Variants in UTRN observed in about 807,000 individuals in gnomAD.
UTRN encodes the protein utrophin.
Under a neutral mutation model 463.9 loss-of-function variants are expected in UTRN, and 283 were observed. That is an observed-to-expected ratio of 0.61 (90% CI 0.55 to 0.67). The LOEUF is 0.67. Among genes scored for constraint, UTRN ranks in the 30% least tolerant of loss-of-function variants. UTRN has a pLI of 0.00. For missense variants in UTRN, 3,922 were observed against 4,084.3 expected (o/e 0.96, Z 1.08); for synonymous variants, 1,442 against 1,431.5 (o/e 1.01, Z -0.17).
intron 54 of UTRN, among the ~76,000 whole-genome samples, chr6:144,747,046 A>G (rs569979565): frequency 5.9e-5 from 9 of 152,234 alleles, no homozygotes; most frequent in Non-Finnish European, 1.0e-4. Flanking sequence ...CAGGCAGACC[A>G]ATTTACACTG....
At chr6:144,695,989 A>G (rs892159719) in intron 52 of UTRN, among the ~76,000 whole-genome samples, 1 of 152,196 alleles carries the variant, frequency 6.6e-6, no homozygotes, top group Non-Finnish European at 1.5e-5. Flanking sequence ...TAAAATTGTC[A>G]AATCTAATGA....
At chr6:144,511,192 A>T in intron 35 of UTRN, 69 bp downstream of exon 35, 1 of 1,348,722 alleles carries the variant, frequency 7.4e-7, no homozygotes, top group Non-Finnish European at 9.7e-7. Context: ...AATGAATACA[A>T]CTTTGATTAA....
At chr6:144,653,134 T>C (rs1778988251) in intron 51 of UTRN, among the ~76,000 whole-genome samples, 1 of 152,224 alleles carries the variant, frequency 6.6e-6, no homozygotes, top group South Asian at 2.1e-4. Flanking sequence ...CCCTTCCAGG[T>C]CGCCATTATT....
intron 51 of UTRN, among the ~76,000 whole-genome samples, chr6:144,604,227 A>G (rs1331459651): frequency 2.0e-5 from 3 of 152,200 alleles, no homozygotes; most frequent in Non-Finnish European, 2.9e-5. Flanking sequence ...GGTATGCCAT[A>G]TATGCTGTAG....
In UTRN at chr6:144,735,367, C is replaced by T. The variant is rs139125609; in HGVS notation, c.7939+4881C>T. 4.1e-4 allele frequency among the ~76,000 whole-genome samples: 62 copies of T among 152,216 alleles called. No individual in the cohort carries two copies. The East Asian group carries it at 0.011, about 27-fold the overall frequency. ...CAGAATCCTTAGCAGAACAGCTCAG[C>T]CATAAGGAAAGAGCAGCTGTATTTT... On this transcript the variant is annotated intron_variant, in intron 54 of 74. Coordinates refer to ENST00000367545, the MANE Select transcript of UTRN (RefSeq NM_007124.3).
rs1444183884 is a variant in UTRN at position 144,539,314 on chromosome 6, A to C, written c.6390A>C (p.Glu2130Asp). 13 of 1,612,190 alleles carry C rather than the reference A, an allele frequency of 8.1e-6. No individual in the cohort carries two copies. Among genetic ancestry groups the C allele is most frequent in the Non-Finnish European group, 1.0e-5 (12 of 1,179,286 alleles). The part of the protein sequence containing the change: ...QELRDLTQEM[E>D]VHAEKLKWLN... ...TCCAGGACTTAACTCAAGAAATGGAAGTACATGCTGAAAAACTCAAATGGC... is the reference window on the plus strand; with the variant it reads ...TCCAGGACTTAACTCAAGAAATGGACGTACATGCTGAAAAACTCAAATGGC... The change falls in exon 45 of 75, where the codon GAA becomes GAC. Residue 2130 changes from glutamate (E) to aspartate (D), a missense_variant. Coordinates refer to ENST00000367545, the MANE Select transcript of UTRN (RefSeq NM_007124.3).
At chr6:144,354,877 C>T (rs1026511774) in intron 2 of UTRN, among the ~76,000 whole-genome samples, 4 of 152,068 alleles carry the variant, frequency 2.6e-5, no homozygotes, top group African/African-American at 7.2e-5. Context: ...TATCTCTGCA[C>T]GGTGTTGAAA....
chr6:144,401,672 A>ATT (rs142001265), intron 2 of UTRN, among the ~76,000 whole-genome samples: 7 of 145,334 alleles, frequency 4.8e-5, no homozygotes, highest in African/African-American at 1.3e-4. Flanking sequence ...GTAAAAGTGC[A>ATT]TTTTTTTTTT....
At chr6:144,359,320 CACTCCCAGCTGAGA>C (rs1166757624) in intron 2 of UTRN, among the ~76,000 whole-genome samples, 2 of 152,106 alleles carry the variant, frequency 1.3e-5, no homozygotes, top group East Asian at 3.8e-4. Flanking sequence ...GGGGCAAAAC[CACTCCCAGCTGAGA>C]ACCCCTGATA....
intron 41 of UTRN, among the ~76,000 whole-genome samples, chr6:144,528,989 G>A (rs568983322): frequency 3.3e-4 from 50 of 152,314 alleles, no homozygotes; most frequent in African/African-American, 1.0e-3. Flanking sequence ...TATGGGGGAT[G>A]GGGGTGTGGT....
chr6:144,844,332 G>A (rs1057348312), intron 73 of UTRN, among the ~76,000 whole-genome samples: 7 of 150,482 alleles, frequency 4.7e-5, no homozygotes, highest in Non-Finnish European at 8.8e-5. Context: ...TCAATGGCAC[G>A]ATCTCAGGTC....
At chr6:144,767,143 G>T (rs1793450274) in intron 58 of UTRN, among the ~76,000 whole-genome samples, 2 of 152,110 alleles carry the variant, frequency 1.3e-5, no homozygotes, top group Non-Finnish European at 2.9e-5. Flanking sequence ...TTTGGAGTTT[G>T]GGAAAGCAAG....
chr6:144,345,039 C>T (rs1205889329), intron 2 of UTRN, among the ~76,000 whole-genome samples: 1 of 152,212 alleles, frequency 6.6e-6, no homozygotes, highest in Non-Finnish European at 1.5e-5. Flanking sequence ...TTTATTCGAT[C>T]ATACATATCA....
At position 144,286,148 on chromosome 6, in the gene UTRN, C is replaced by T. The variant is rs943311680; in HGVS notation, c.-93+327C>T. Among the ~76,000 whole-genome samples the T allele has an allele frequency of 6.6e-6, 1 of 152,188 alleles. No homozygotes were observed. Among genetic ancestry groups the T allele is most frequent in the Non-Finnish European group, 1.5e-5 (1 of 68,032 alleles). ...TGTGCTGCCTCCCTGCTCCCCTAATCTTCCTCCCCGCCGGGGTGACAGAGT... is the reference window on the plus strand; with the variant it reads ...TGTGCTGCCTCCCTGCTCCCCTAATTTTCCTCCCCGCCGGGGTGACAGAGT... On this transcript the variant is annotated intron_variant, in intron 1 of 74. Transcript: ENST00000367545. The surrounding 1 kb of genome is among the most constrained non-coding windows in gnomAD (Gnocchi z 4.4).
chr6:144,461,527 A>G (rs545858289), intron 22 of UTRN, among the ~76,000 whole-genome samples, 185 bp downstream of exon 22: 1 of 152,192 alleles, frequency 6.6e-6, no homozygotes, highest in African/African-American at 2.4e-5. Context: ...GTTATTAAAA[A>G]TTTTTTCATA....
At chr6:144,840,397 A>G (rs1000170334) in intron 72 of UTRN, among the ~76,000 whole-genome samples, 1 of 152,146 alleles carries the variant, frequency 6.6e-6, no homozygotes, top group Non-Finnish European at 1.5e-5. Context: ...TTTTTGTATG[A>G]AAACATACCT....
chr6:144,405,378 T>A (rs1783296338), intron 3 of UTRN, among the ~76,000 whole-genome samples: 1 of 152,166 alleles, frequency 6.6e-6, no homozygotes, highest in Non-Finnish European at 1.5e-5. Context: ...AGTAACACAT[T>A]TCTAGACTGG....
At chr6:144,411,391 A>G (rs1160853823) in intron 3 of UTRN, among the ~76,000 whole-genome samples, 3 of 151,744 alleles carry the variant, frequency 2.0e-5, no homozygotes, top group Non-Finnish European at 4.4e-5. Flanking sequence ...TCCTTAGCCC[A>G]TTTTCTTTTT....
chr6:144,743,231 CG>C (rs1202159314), intron 54 of UTRN, among the ~76,000 whole-genome samples: 1 of 151,996 alleles, frequency 6.6e-6, no homozygotes, highest in African/African-American at 2.4e-5. Flanking sequence ...GGCTTTAAAA[CG>C]TAAGTGTAGA....
Sources: gnomAD v4.1 joint callset for allele counts (sites outside exome capture counted in the v4.1 genomes callset) on GRCh38, gnomAD v4.1.1 for gene constraint, Gnocchi (gnomAD v3.1) non-coding constraint, MANE v1.5 for transcripts, NCBI Gene and HGNC (gene_info 2026-07-23, HGNC 2026-07-21) for gene names.